Variants in SLC45A2 observed in about 807,000 individuals in gnomAD.
SLC45A2 encodes the protein solute carrier family 45 member 2.
Under a neutral mutation model 45.5 loss-of-function variants are expected in SLC45A2, and 36 were observed. The ratio of observed to expected loss-of-function variants is 0.79; its 90% CI spans 0.61 to 1.04. The LOEUF (loss-of-function observed/expected upper bound fraction) is 1.04. SLC45A2 is among the 50% of genes least tolerant of loss of function. The pLI, the probability that SLC45A2 is intolerant of heterozygous loss-of-function variation, is 0.00. For synonymous variants in SLC45A2, 306 were observed against 269.3 expected (o/e 1.14, Z -1.33); for missense variants, 719 against 671.0 (o/e 1.07, Z -0.79).
At chr5:33,968,665 T>C (rs1280457206) in intron 2 of SLC45A2, among the ~76,000 whole-genome samples, 4 of 152,012 alleles carry the variant, frequency 2.6e-5, no homozygotes, top group African/African-American at 9.7e-5. Flanking sequence ...ACAGGTAAAA[T>C]GGGAAATTGG....
intron 2 of SLC45A2, among the ~76,000 whole-genome samples, chr5:33,970,201 G>T (rs1047078358): frequency 1.3e-5 from 2 of 152,162 alleles, no homozygotes; most frequent in East Asian, 1.9e-4. Context: ...AGCCAGCTCC[G>T]GCCAGCTTTG....
intron 3 of SLC45A2, among the ~76,000 whole-genome samples, chr5:33,957,820 A>G (rs73761622): frequency 0.036 from 5,524 of 152,256 alleles, 357 homozygotes; most frequent in African/African-American, 0.13. Flanking sequence ...TCTGACTTAT[A>G]CATAATTTTC....
At chr5:33,950,221 G>A (rs977918278) in intron 5 of SLC45A2, among the ~76,000 whole-genome samples, 1 of 152,056 alleles carries the variant, frequency 6.6e-6, no homozygotes. Context: ...AAAAGCATGA[G>A]GGTAGTGGTA....
chr5:33,946,910 G>A (rs554728944), intron 6 of SLC45A2: 3 of 1,410,232 alleles, frequency 2.1e-6, no homozygotes, highest in South Asian at 3.2e-5. Flanking sequence ...TTAGAAAAAT[G>A]GGAGTAACAC....
chr5:33,970,122 G>A (rs1365701692), intron 2 of SLC45A2, among the ~76,000 whole-genome samples: 2 of 152,206 alleles, frequency 1.3e-5, no homozygotes, highest in Non-Finnish European at 2.9e-5. Context: ...GCCCCTGTGA[G>A]CCACTGCAAA....
At chr5:33,981,264 C>T (rs771837639) in intron 2 of SLC45A2, among the ~76,000 whole-genome samples, 2 of 152,198 alleles carry the variant, frequency 1.3e-5, no homozygotes, top group Non-Finnish European at 2.9e-5. Context: ...TTCAACTATT[C>T]AAATGTTTGC....
At chr5:33,954,638 A>T in intron 3 of SLC45A2, 134 bp from the exon 4 acceptor site, 2 of 1,297,098 alleles carry the variant, frequency 1.5e-6, no homozygotes, top group Non-Finnish European at 1.1e-6. Flanking sequence ...CTGGACATGG[A>T]ACTAGGTTTC....
At chr5:33,973,677 G>A (rs185468166) in intron 2 of SLC45A2, among the ~76,000 whole-genome samples, 397 of 152,308 alleles carry the variant, frequency 2.6e-3, no homozygotes, top group African/African-American at 9.0e-3. Flanking sequence ...GTTGATATCT[G>A]ACAAGTTACC....
chr5:33,949,909 T>C (rs989216836), intron 5 of SLC45A2, among the ~76,000 whole-genome samples: 9 of 152,096 alleles, frequency 5.9e-5, no homozygotes, highest in Admixed American at 5.9e-4. Context: ...AAGGTAGGGC[T>C]GGATGTAGTG....
At chr5:33,964,280 T>G (rs1316072158) in intron 2 of SLC45A2, among the ~76,000 whole-genome samples, 1 of 152,108 alleles carries the variant, frequency 6.6e-6, no homozygotes, top group Non-Finnish European at 1.5e-5. Context: ...AACCTACTAG[T>G]AGGGTCATGA....
intron 3 of SLC45A2, among the ~76,000 whole-genome samples, chr5:33,955,642 TACACACACACACACAA>T (rs1561359853): frequency 1.3e-5 from 2 of 151,336 alleles, no homozygotes; most frequent in South Asian, 4.2e-4. Context: ...TATATGTTTA[TACACACACACACACAA>T]ACACACACAC....
At chr5:33,969,097 G>GTGTGTGTGTGT (rs60255178) in intron 2 of SLC45A2, among the ~76,000 whole-genome samples, 7 of 141,100 alleles carry the variant, frequency 5.0e-5, no homozygotes, top group East Asian at 2.1e-4. Flanking sequence ...GTGTGTGTGT[G>GTGTGTGTGTGT]GTGTCCTTGA....
chr5:33,971,719 T>C (rs910852207), intron 2 of SLC45A2, among the ~76,000 whole-genome samples: 1 of 152,170 alleles, frequency 6.6e-6, no homozygotes, highest in Non-Finnish European at 1.5e-5. Context: ...CTCCACCTTC[T>C]GGGTTCAAGC....
chr5:33,968,284 G>T (rs935512440), intron 2 of SLC45A2, among the ~76,000 whole-genome samples: 1 of 152,094 alleles, frequency 6.6e-6, no homozygotes, highest in African/African-American at 2.4e-5. Context: ...TATGATAAAG[G>T]CTGATAGTTT....
At chr5:33,977,500 C>T (rs138161224) in intron 2 of SLC45A2, among the ~76,000 whole-genome samples, 61 of 152,206 alleles carry the variant, frequency 4.0e-4, no homozygotes, top group East Asian at 3.3e-3. Flanking sequence ...CCTGCAGTTT[C>T]GAAGAGAATG....
intron 6 of SLC45A2, among the ~76,000 whole-genome samples, chr5:33,945,259 A>G (rs1353974512): frequency 6.6e-6 from 1 of 152,202 alleles, no homozygotes; most frequent in Non-Finnish European, 1.5e-5. Flanking sequence ...CTTAGCTCGC[A>G]GACTGTACAA....
chr5:33,945,610 C>T lies in SLC45A2; in HGVS notation c.1369-738G>A, dbSNP rs556519292. Among the ~76,000 whole-genome samples, 97 of 152,090 alleles carry T rather than the reference C, an allele frequency of 6.4e-4. No homozygotes were observed. In the South Asian group the frequency reaches 0.019, roughly 30 times the overall value. On this transcript the variant is annotated intron_variant, in intron 6 of 6. Coordinates refer to ENST00000296589, the MANE Select transcript of SLC45A2 (RefSeq NM_016180.5). ...CTGGATGCACATGTTATTATCATTA[C>T]CCCCATGGTAACAATTATAATACTA...
At chr5:33,952,062 C>T (rs1752120606) in intron 4 of SLC45A2, among the ~76,000 whole-genome samples, 1 of 152,132 alleles carries the variant, frequency 6.6e-6, no homozygotes, top group Non-Finnish European at 1.5e-5. Context: ...TAATATTCCT[C>T]TAACTCCTAC....
intron 3 of SLC45A2, among the ~76,000 whole-genome samples, chr5:33,960,367 T>C (rs1054096508): frequency 2.6e-5 from 4 of 151,924 alleles, no homozygotes; most frequent in Non-Finnish European, 5.9e-5. Flanking sequence ...CAATTGCGAA[T>C]TGTGCTGCTG....
Sources: allele counts gnomAD v4.1 joint callset (sites outside exome capture counted in the v4.1 genomes callset), GRCh38; gene constraint gnomAD v4.1.1; transcripts MANE v1.5; gene names NCBI Gene and HGNC (gene_info 2026-07-23, HGNC 2026-07-21).